NKAIN2: variants seen among roughly 807,000 people sequenced by gnomAD.
NKAIN2 encodes the protein sodium/potassium-transporting ATPase subunit beta-1-interacting protein 2.
Under a neutral mutation model 32.6 loss-of-function variants are expected in NKAIN2, and 14 were observed. That is an observed-to-expected ratio of 0.43 (90% CI 0.28 to 0.67). The LOEUF (loss-of-function observed/expected upper bound fraction) is 0.67, where lower values mean the gene tolerates loss of function less well. Ranked by LOEUF, NKAIN2 falls within the 30% of genes least tolerant of loss-of-function variation. NKAIN2 has a pLI of 0.17. For missense variants in NKAIN2, 198 were observed against 258.3 expected (o/e 0.77, Z 1.60); for synonymous variants, 80 against 87.2 (o/e 0.92, Z 0.46).
At chr6:124,623,863 C>T (rs949759475) in intron 3 of NKAIN2, among the ~76,000 whole-genome samples, 2 of 152,124 alleles carry the variant, frequency 1.3e-5, no homozygotes, top group Admixed American at 6.5e-5. Context: ...GCCTTTGGTA[C>T]ATTCAGTCTC....
chr6:124,658,349 T>C lies in NKAIN2; in HGVS notation c.437T>C (p.Ile146Thr), dbSNP rs753470283. The change falls in exon 4 of 7, where the codon ATA becomes ACA. Residue 146 changes from isoleucine to threonine, a missense_variant. By Grantham distance (89) the Ile-to-Thr change is moderately conservative. Coordinates refer to ENST00000368417, the MANE Select transcript of NKAIN2 (RefSeq NM_001040214.3). ...VSGCLLEYQY[I>T]EVAHSSLQIV... is the part of the protein sequence containing the mutation. ...GGGTGTTTGCTGGAGTACCAGTACATAGAAGTGGCTCATAGTTCCCTCCAG... is the reference window on the plus strand; with the variant it reads ...GGGTGTTTGCTGGAGTACCAGTACACAGAAGTGGCTCATAGTTCCCTCCAG... The C allele has an allele frequency of 5.6e-6, 9 of 1,614,082 alleles. No individual in the cohort carries two copies. The South Asian group carries it at 8.8e-5, about 16-fold the overall frequency.
chr6:124,762,974 T>A (rs1250712390), intron 4 of NKAIN2, among the ~76,000 whole-genome samples: 1 of 152,234 alleles, frequency 6.6e-6, no homozygotes, highest in East Asian at 1.9e-4. Flanking sequence ...TTGATAGTTC[T>A]TTTGTTTGCA....
At chr6:124,080,666 C>T (rs1159109020) in intron 1 of NKAIN2, among the ~76,000 whole-genome samples, 2 of 152,060 alleles carry the variant, frequency 1.3e-5, no homozygotes, top group Admixed American at 1.3e-4. Flanking sequence ...ATAATTAGCA[C>T]TTTAACTTTA....
chr6:124,008,167 C>T (rs1043318946), intron 1 of NKAIN2, among the ~76,000 whole-genome samples: 2 of 152,108 alleles, frequency 1.3e-5, no homozygotes, highest in African/African-American at 4.8e-5. Context: ...CTGAGCTCTC[C>T]GATCGCGCTG....
rs561664291 is a variant in NKAIN2, at chr6:123,998,754, T to TGC, written c.54+194501_54+194502insCG. Among the ~76,000 whole-genome samples, 1,191 of 145,452 alleles carry TGC rather than the reference T, an allele frequency of 8.2e-3. 7 individuals carry two copies. The highest frequency in any genetic ancestry group is 0.012 in the Non-Finnish European group (794 of 66,332). On this transcript the variant is annotated intron_variant, in intron 1 of 6. Transcript: ENST00000368417. Reference sequence around the variant, plus strand: ...TTCTCTCTCTCTCTCTGTGTGTGTGTGTGTGTGTGTGTGTGTGTGTGTGGA... The same window carrying TGC: ...TTCTCTCTCTCTCTCTGTGTGTGTGTGCGTGTGTGTGTGTGTGTGTGTGTGGA...
chr6:124,352,338 T>C (rs1010820819), intron 2 of NKAIN2, among the ~76,000 whole-genome samples: 1 of 152,228 alleles, frequency 6.6e-6, no homozygotes, highest in Admixed American at 6.5e-5. Flanking sequence ...AGTAACTAAG[T>C]ATAAATGAAG....
intron 2 of NKAIN2, among the ~76,000 whole-genome samples, chr6:124,320,951 C>A (rs956074932): frequency 1.3e-5 from 2 of 152,094 alleles, no homozygotes; most frequent in African/African-American, 4.8e-5. Context: ...CTGTAATTAT[C>A]CCGGTGTGTC....
chr6:123,872,452 G>A (rs1192889639), intron 1 of NKAIN2, among the ~76,000 whole-genome samples: 1 of 152,212 alleles, frequency 6.6e-6, no homozygotes, highest in East Asian at 1.9e-4. Context: ...GGGGTCTGGG[G>A]CAAGATGGGA....
intron 3 of NKAIN2, among the ~76,000 whole-genome samples, chr6:124,434,773 C>G (rs973137800): frequency 6.6e-6 from 1 of 152,120 alleles, no homozygotes; most frequent in Admixed American, 6.6e-5. Flanking sequence ...ACTGTGAGAT[C>G]TTTCCTTAAT....
chr6:124,800,079 C>G (rs1780181511), intron 5 of NKAIN2, among the ~76,000 whole-genome samples: 1 of 152,178 alleles, frequency 6.6e-6, no homozygotes, highest in African/African-American at 2.4e-5. Context: ...AAAACGCTGG[C>G]ACAGGAAAAT....
At chr6:123,929,041 C>T (rs532082280) in intron 1 of NKAIN2, among the ~76,000 whole-genome samples, 8 of 152,178 alleles carry the variant, frequency 5.3e-5, no homozygotes, top group Non-Finnish European at 1.0e-4. Context: ...TATGTTCCAT[C>T]CTATGTTAGA....
intron 4 of NKAIN2, among the ~76,000 whole-genome samples, chr6:124,698,641 A>C (rs1326043452): frequency 6.6e-6 from 1 of 152,174 alleles, no homozygotes; most frequent in African/African-American, 2.4e-5. Context: ...TCCTTTTCTC[A>C]TTACCTTTGA....
chr6:124,243,571 T>C (rs970935855), intron 1 of NKAIN2, among the ~76,000 whole-genome samples: 3 of 151,994 alleles, frequency 2.0e-5, no homozygotes, highest in Non-Finnish European at 4.4e-5. Flanking sequence ...AGCCAATGTA[T>C]TGGAAATGTC....
intron 5 of NKAIN2, among the ~76,000 whole-genome samples, chr6:124,809,886 C>T (rs1780799835): frequency 6.6e-6 from 1 of 152,148 alleles, no homozygotes; most frequent in South Asian, 2.1e-4. Context: ...TGAAAAAATG[C>T]TCACCATCAC....
chr6:124,490,236 A>C (rs1777807302), intron 3 of NKAIN2: 1 of 282,422 alleles, frequency 3.5e-6, no homozygotes. Flanking sequence ...AAGAAAAAAA[A>C]ACTAAGCCAA....
At chr6:124,102,817 T>C (rs1347902230) in intron 1 of NKAIN2, among the ~76,000 whole-genome samples, 2 of 152,234 alleles carry the variant, frequency 1.3e-5, no homozygotes, top group Non-Finnish European at 2.9e-5. Flanking sequence ...ATGTTTCAAA[T>C]ATGTAATTCT....
At chr6:124,242,218 C>G (rs1481551407) in intron 1 of NKAIN2, among the ~76,000 whole-genome samples, 4 of 152,060 alleles carry the variant, frequency 2.6e-5, no homozygotes, top group African/African-American at 9.7e-5. Context: ...ACAGCCCCAT[C>G]AAAAAGTGGC....
intron 1 of NKAIN2, among the ~76,000 whole-genome samples, chr6:124,219,840 G>A (rs899011412): frequency 6.6e-6 from 1 of 151,818 alleles, no homozygotes; most frequent in Non-Finnish European, 1.5e-5. Context: ...CTAAATGGAA[G>A]GATAAGAGAT....
At chr6:124,400,702 A>G (rs1366014200) in intron 3 of NKAIN2, among the ~76,000 whole-genome samples, 1 of 152,186 alleles carries the variant, frequency 6.6e-6, no homozygotes, top group East Asian at 1.9e-4. Context: ...TTATTTTAAT[A>G]TATAGTATAG....
Sources: allele counts gnomAD v4.1 joint callset (sites outside exome capture counted in the v4.1 genomes callset), GRCh38; gene constraint gnomAD v4.1.1; transcripts MANE v1.5; gene names NCBI Gene and HGNC (gene_info 2026-07-23, HGNC 2026-07-21).